TASP1: variants seen among roughly 807,000 people sequenced by gnomAD.
TASP1 encodes the protein threonine aspartase 1.
TASP1 carries 16 observed loss-of-function variants against 56.6 expected under a neutral mutation model. That is an observed-to-expected ratio of 0.28 (90% CI 0.19 to 0.43). The LOEUF (loss-of-function observed/expected upper bound fraction) is 0.43, where lower values mean the gene tolerates loss of function less well. Ranked by LOEUF, TASP1 falls within the 20% of genes least tolerant of loss-of-function variation. TASP1 has a pLI of 1.00. For synonymous variants in TASP1, 179 were observed against 184.2 expected, an observed-to-expected ratio of 0.97 and a Z score of 0.23; for missense variants, 393 against 511.6, an observed-to-expected ratio of 0.77 and a Z score of 2.24.
At chr20:13,299,289 G>C in the TASP1 span, 33 of 1,612,630 alleles carry the variant, frequency 2.0e-5, no homozygotes, top group Non-Finnish European at 2.6e-5. This position sits in a 1 kb window ranked among gnomAD's most constrained non-coding sequence, Gnocchi z 5.8. Flanking sequence ...CATCAGCACC[G>C]AGTTCTCCGC....
At chr20:13,383,791 C>T in the TASP1 span, among the ~76,000 whole-genome samples, 2 of 152,204 alleles carry the variant, frequency 1.3e-5, no homozygotes. Flanking sequence ...GCAGAAAAAC[C>T]ACTGAGTTAC....
chr20:13,485,618 A>G (rs2043297216), intron 10 of TASP1, among the ~76,000 whole-genome samples: 1 of 152,194 alleles, frequency 6.6e-6, no homozygotes, highest in African/African-American at 2.4e-5. Context: ...ACATAAGTCA[A>G]TGTGTAACTT....
chr20:13,117,879 G>T, the TASP1 span, among the ~76,000 whole-genome samples: 1 of 152,144 alleles, frequency 6.6e-6, no homozygotes, highest in South Asian at 2.1e-4. Context: ...AGCCAGATAA[G>T]GCCCAGAATA....
chr20:13,227,858 G>A, the TASP1 span, among the ~76,000 whole-genome samples: 1 of 151,402 alleles, frequency 6.6e-6, no homozygotes, highest in African/African-American at 2.4e-5. Flanking sequence ...TATTAATAAT[G>A]TCTATCTTAG....
At chr20:13,187,384 T>A in the TASP1 span, among the ~76,000 whole-genome samples, 1 of 151,380 alleles carries the variant, frequency 6.6e-6, no homozygotes, top group Non-Finnish European at 1.5e-5. Flanking sequence ...CAGAGAACAC[T>A]ATAAAGATAA....
the TASP1 span, among the ~76,000 whole-genome samples, chr20:13,132,477 C>T: frequency 1.3e-5 from 2 of 151,968 alleles, no homozygotes; most frequent in Non-Finnish European, 2.9e-5. Flanking sequence ...CACCCAGCCG[C>T]TTTAATCTTT....
At chr20:13,452,433 T>C (rs867621284) in intron 11 of TASP1, among the ~76,000 whole-genome samples, 1 of 150,952 alleles carries the variant, frequency 6.6e-6, no homozygotes, top group Non-Finnish European at 1.5e-5. Flanking sequence ...AAAAAATTCC[T>C]GAAAAACCTA....
chr20:13,412,648 T>C (rs1478174559), intron 13 of TASP1, among the ~76,000 whole-genome samples: 1 of 152,106 alleles, frequency 6.6e-6, no homozygotes, highest in East Asian at 1.9e-4. Flanking sequence ...CACTCAGAAA[T>C]CTCATCTCTG....
the TASP1 span, among the ~76,000 whole-genome samples, chr20:13,140,496 T>C: frequency 6.6e-6 from 1 of 152,170 alleles, no homozygotes; most frequent in Non-Finnish European, 1.5e-5. Flanking sequence ...AGACTTCCTA[T>C]CAGGATGGAG....
At chr20:13,270,646 C>T in the TASP1 span, 1 of 1,613,992 alleles carries the variant, frequency 6.2e-7, no homozygotes, top group South Asian at 1.1e-5. Context: ...GGGCACCCTT[C>T]ATTGCAAAGA....
chr20:13,176,964 G>T, the TASP1 span, among the ~76,000 whole-genome samples: 1 of 152,200 alleles, frequency 6.6e-6, no homozygotes, highest in Non-Finnish European at 1.5e-5. Flanking sequence ...ATTGGGCTGG[G>T]CACGATGGCT....
rs541020377 is a variant in TASP1, at chr20:13,394,207, C to A, written c.1171-3755G>T. On this transcript the variant is annotated intron_variant, in intron 13 of 13. Coordinates refer to ENST00000337743, the MANE Select transcript of TASP1 (RefSeq NM_017714.3). The stretch of plus-strand genomic sequence containing the variant: ...GCTGAGGCAGGAGAATCGCTTGAAC[C>A]CAGGAGGCAGAGGTTGCAGTGAGCC... Among the ~76,000 whole-genome samples, 204 of 150,802 alleles carry A rather than the reference C, an allele frequency of 1.4e-3. 1 individual carries two copies. Among genetic ancestry groups the A allele is most frequent in the African/African-American group, 4.7e-3 (192 of 40,756 alleles).
chr20:13,504,396 A>G (rs1281161607), intron 10 of TASP1, among the ~76,000 whole-genome samples: 1 of 152,162 alleles, frequency 6.6e-6, no homozygotes, highest in African/African-American at 2.4e-5. Flanking sequence ...GGAAAAATAA[A>G]GGTTTTCCCA....
intron 13 of TASP1, among the ~76,000 whole-genome samples, chr20:13,395,497 A>G (rs1048287368): frequency 1.3e-4 from 20 of 152,202 alleles, no homozygotes; most frequent in Non-Finnish European, 1.8e-4. Context: ...CTTTAATATA[A>G]TCTGGAATAC....
chr20:13,298,943 CACAG>C, the TASP1 span: 1 of 1,612,710 alleles, frequency 6.2e-7, no homozygotes, highest in South Asian at 1.1e-5. Flanking sequence ...CTTTTCCAGA[CACAG>C]ACAGCTGTGA....
the TASP1 span, among the ~76,000 whole-genome samples, chr20:13,184,068 G>T: frequency 6.6e-6 from 1 of 151,492 alleles, no homozygotes; most frequent in Non-Finnish European, 1.5e-5. Context: ...GTAAAATAGT[G>T]TGGTAGTGTG....
the TASP1 span, among the ~76,000 whole-genome samples, chr20:13,311,277 A>G: frequency 1.3e-5 from 2 of 152,086 alleles, no homozygotes; most frequent in Admixed American, 1.3e-4. Flanking sequence ...AGATAGATAG[A>G]TAGATAATAA....
chr20:13,140,176 A>G, the TASP1 span, among the ~76,000 whole-genome samples: 2 of 152,192 alleles, frequency 1.3e-5, no homozygotes, highest in African/African-American at 4.8e-5. Context: ...TACAGACATT[A>G]AGGACTTTTT....
intron 12 of TASP1, among the ~76,000 whole-genome samples, chr20:13,424,314 A>T (rs532528412): frequency 7.0e-4 from 106 of 152,348 alleles, no homozygotes; most frequent in Non-Finnish European, 1.1e-3. Context: ...AGAAAAATTT[A>T]AAATCTCAGT....
Sources: allele counts gnomAD v4.1 joint callset (sites outside exome capture counted in the v4.1 genomes callset), GRCh38; gene constraint gnomAD v4.1.1; non-coding constraint Gnocchi (gnomAD v3.1); transcripts MANE v1.5; gene names NCBI Gene and HGNC (gene_info 2026-07-23, HGNC 2026-07-21).